FGF12: variants seen among roughly 807,000 people sequenced by gnomAD.
FGF12 encodes the protein fibroblast growth factor 12.
In FGF12, 14 loss-of-function variants were observed where a neutral mutation model predicts 23.6. The observed-to-expected ratio is 0.59, with a 90% confidence interval of 0.39 to 0.93. FGF12 has a LOEUF of 0.93. Among genes scored for constraint, FGF12 ranks in the 40% least tolerant of loss-of-function variants. FGF12 has a pLI of 0.00. For synonymous variants in FGF12, 62 were observed against 77.3 expected, an observed-to-expected ratio of 0.80 and a Z score of 1.04; for missense variants, 175 against 217.8, an observed-to-expected ratio of 0.80 and a Z score of 1.24.
chr3:192,179,847 G>A (rs1329869867), intron 4 of FGF12, among the ~76,000 whole-genome samples: 1 of 151,262 alleles, frequency 6.6e-6, no homozygotes, highest in Admixed American at 6.6e-5. Context: ...CATCCGGCCA[G>A]GTTGTGATTA....
At chr3:192,366,450 A>G (rs919657999) in intron 2 of FGF12, among the ~76,000 whole-genome samples, 1 of 152,220 alleles carries the variant, frequency 6.6e-6, no homozygotes, top group African/African-American at 2.4e-5. Context: ...AGTACTTTTG[A>G]TAACAATGGC....
At chr3:192,465,471 A>T (rs1722983318) in intron 2 of FGF12, among the ~76,000 whole-genome samples, 1 of 152,154 alleles carries the variant, frequency 6.6e-6, no homozygotes, top group South Asian at 2.1e-4. Context: ...GTGCAGAAAA[A>T]AGTTAAGAAA....
intron 2 of FGF12, among the ~76,000 whole-genome samples, chr3:192,679,164 C>T (rs537948480): frequency 1.2e-4 from 19 of 152,080 alleles, no homozygotes; most frequent in Non-Finnish European, 1.8e-4. Context: ...AGAGGAGGCA[C>T]GGAAGGTCAT....
intron 2 of FGF12, among the ~76,000 whole-genome samples, chr3:192,653,026 T>C (rs952652108): frequency 2.0e-5 from 3 of 152,366 alleles, no homozygotes; most frequent in Middle Eastern, 3.4e-3. Context: ...TAAACTTCTG[T>C]TGTGACACAG....
At chr3:192,504,797 G>C (rs1161026024) in intron 2 of FGF12, among the ~76,000 whole-genome samples, 1 of 152,088 alleles carries the variant, frequency 6.6e-6, no homozygotes, top group East Asian at 1.9e-4. Context: ...CCTTCCCTCT[G>C]GTGAGTTCGA....
intron 5 of FGF12, among the ~76,000 whole-genome samples, chr3:192,149,148 C>T (rs188687787): frequency 3.9e-5 from 6 of 152,216 alleles, no homozygotes; most frequent in Admixed American, 1.3e-4. Flanking sequence ...GAAGAGTTAA[C>T]GTCCATCCGA....
intron 2 of FGF12, among the ~76,000 whole-genome samples, chr3:192,503,351 G>A (rs1724188745): frequency 6.6e-6 from 1 of 152,094 alleles, no homozygotes; most frequent in Non-Finnish European, 1.5e-5. Flanking sequence ...ACCAACATAA[G>A]AGAGGGTTGA....
At chr3:192,335,232 G>GA (rs1717336477) in intron 4 of FGF12, 129 bp downstream of exon 4, 2 of 640,122 alleles carry the variant, frequency 3.1e-6, no homozygotes, top group South Asian at 4.2e-5. Flanking sequence ...AAATAATCCC[G>GA]AAAAACAGGA....
intron 2 of FGF12, among the ~76,000 whole-genome samples, chr3:192,630,206 G>T (rs1023121163): frequency 1.3e-5 from 2 of 152,126 alleles, no homozygotes; most frequent in African/African-American, 4.8e-5. Flanking sequence ...TGCCATCATT[G>T]TAAGTTTCCT....
intron 4 of FGF12, among the ~76,000 whole-genome samples, chr3:192,313,158 G>T (rs1716047340): frequency 6.6e-6 from 1 of 152,054 alleles, no homozygotes; most frequent in Non-Finnish European, 1.5e-5. Context: ...AACAGTAAAT[G>T]TTTACATTTA....
At chr3:192,512,906 A>C (rs1724533167) in intron 2 of FGF12, among the ~76,000 whole-genome samples, 1 of 136,436 alleles carries the variant, frequency 7.3e-6, no homozygotes, top group Non-Finnish European at 1.6e-5. Flanking sequence ...AAAAATAATG[A>C]GTTTCAAAGA....
At chr3:192,252,571 G>A (rs1271055154) in intron 4 of FGF12, among the ~76,000 whole-genome samples, 2 of 150,424 alleles carry the variant, frequency 1.3e-5, no homozygotes, top group East Asian at 4.0e-4. Flanking sequence ...AGTGACCGAG[G>A]AAATAAAAAT....
In FGF12 at chr3:192,528,559, A is replaced by G. The variant is rs115083723; in HGVS notation, c.14-168021T>C. On this transcript the variant is annotated intron_variant, in intron 2 of 5. Transcript: ENST00000445105. ...GGAGGATGGTGGCCCTCTCAGCTCT[A>G]CTAGACAGTGCCCCAGTAGGGACCC... is the stretch of plus-strand genomic sequence containing the variant. Among the ~76,000 whole-genome samples the G allele has an allele frequency of 4.3e-3, 653 of 152,168 alleles. 5 individuals are homozygous for G. Among genetic ancestry groups the G allele is most frequent in the African/African-American group, 0.015 (616 of 41,520 alleles).
rs560653960 is a variant in FGF12 at position 192,638,763 on chromosome 3, T to C, written c.13+88418A>G. Reference sequence around the variant, plus strand: ...ATTTAGCATGAGTTACAGCCCACATTTGTGGGAGTATTGGATGGGAAAAAT... The same window carrying C: ...ATTTAGCATGAGTTACAGCCCACATCTGTGGGAGTATTGGATGGGAAAAAT... On this transcript the variant is annotated intron_variant, in intron 2 of 5. Transcript: ENST00000445105. Among the ~76,000 whole-genome samples, 42 of 152,320 alleles carry C rather than the reference T, an allele frequency of 2.8e-4. No homozygotes were observed. In the South Asian group the frequency reaches 5.4e-3, roughly 20 times the overall value.
At position 192,143,004 on chromosome 3, in the gene FGF12, C is replaced by G. The variant is rs1301424569; in HGVS notation, c.*1005G>C. The G allele has an allele frequency of 6.6e-6, 1 of 151,938 alleles. No homozygotes were observed. The highest frequency in any genetic ancestry group is 2.1e-4 in the South Asian group (1 of 4,824). 9.4% of individuals were successfully genotyped at this position (151,938 alleles called of 1,614,324 possible). The stretch of plus-strand genomic sequence containing the variant: ...TATTTCCTTATGTAAAACCCCTGTT[C>G]TTTCTTTCCTGCCACAAGACAGGGT... On this transcript the variant is annotated 3_prime_UTR_variant, in exon 6 of 6. Coordinates refer to ENST00000445105, the MANE Select transcript of FGF12 (RefSeq NM_004113.6).
intron 5 of FGF12, among the ~76,000 whole-genome samples, chr3:192,158,326 TTCTTTCTC>T (rs1202668224): frequency 2.5e-4 from 30 of 120,420 alleles, no homozygotes; most frequent in Admixed American, 6.1e-4. Context: ...CTTTCTTTCT[TTCTTTCTC>T]TTTCTTTCTT....
At chr3:192,574,626 G>A (rs1180775766) in intron 2 of FGF12, among the ~76,000 whole-genome samples, 3 of 152,180 alleles carry the variant, frequency 2.0e-5, no homozygotes, top group Non-Finnish European at 4.4e-5. Flanking sequence ...CCATTGCTTA[G>A]GGGGGATGAG....
chr3:192,505,748 T>C (rs1057473023), intron 2 of FGF12, among the ~76,000 whole-genome samples: 11 of 152,180 alleles, frequency 7.2e-5, no homozygotes, highest in Non-Finnish European at 1.5e-4. Flanking sequence ...TAAAGGTAAC[T>C]GCGGTTAATT....
At chr3:192,383,136 A>T (rs1398384205) in intron 2 of FGF12, among the ~76,000 whole-genome samples, 1 of 152,220 alleles carries the variant, frequency 6.6e-6, no homozygotes, top group Non-Finnish European at 1.5e-5. Flanking sequence ...AGCAAAGTAG[A>T]TCCTTCACTG....
Sources: allele counts gnomAD v4.1 joint callset (sites outside exome capture counted in the v4.1 genomes callset), GRCh38; gene constraint gnomAD v4.1.1; transcripts MANE v1.5; gene names NCBI Gene and HGNC (gene_info 2026-07-23, HGNC 2026-07-21).